Variants in RPAP2 observed in about 807,000 individuals in gnomAD.
RPAP2 encodes RNA polymerase II associated protein 2, also known as putative RNA polymerase II subunit B1 CTD phosphatase RPAP2.
A neutral mutation model predicts 73.1 loss-of-function variants in RPAP2; 52 were observed. The observed-to-expected ratio is 0.71, with a 90% confidence interval of 0.57 to 0.90. The LOEUF (loss-of-function observed/expected upper bound fraction) is 0.90, where lower values mean the gene tolerates loss of function less well. Among genes scored for constraint, RPAP2 ranks in the 40% least tolerant of loss-of-function variants. The pLI is 0.00. For synonymous variants in RPAP2, 225 were observed against 242.1 expected, an observed-to-expected ratio of 0.93 and a Z score of 0.65; for missense variants, 598 against 701.8, an observed-to-expected ratio of 0.85 and a Z score of 1.67.
At position 92,400,503 on chromosome 1, in the gene RPAP2, A is replaced by G. The variant is rs1471927522; in HGVS notation, c.*13492A>G. On this transcript the variant is annotated 3_prime_UTR_variant, in exon 13 of 13. Coordinates refer to ENST00000610020, the MANE Select transcript of RPAP2 (RefSeq NM_024813.3). ...CCCAGCTAATATTTTTTTTAATTTT[A>G]TATTTTTTAGAGACAGGGTGTCACT... is the stretch of plus-strand genomic sequence containing the variant. The G allele has an allele frequency of 6.6e-6, 1 of 152,058 alleles. No individual in the cohort carries two copies. Among genetic ancestry groups the G allele is most frequent in the Admixed American group, 6.6e-5 (1 of 15,252 alleles). The allele number at this position is 152,058 out of a possible 1,614,324, so 9.4% of individuals were successfully genotyped here.
In RPAP2 at chr1:92,316,387, A is replaced by G. The variant is rs187030040; in HGVS notation, c.489-4212A>G. Among the ~76,000 whole-genome samples the G allele has an allele frequency of 3.3e-4, 50 of 152,322 alleles. No homozygotes were observed. In the East Asian group the frequency reaches 6.8e-3, roughly 21 times the overall value. On this transcript the variant is annotated intron_variant, in intron 6 of 12. Coordinates refer to ENST00000610020, the MANE Select transcript of RPAP2 (RefSeq NM_024813.3). The stretch of plus-strand genomic sequence containing the variant: ...TTGACATGTCTCAAAATAGATTTGA[A>G]AAGTTCTCACCATACCTGCTGCTTC...
chr1:92,345,411 A>G (rs1571099489), intron 10 of RPAP2, among the ~76,000 whole-genome samples: 2 of 126,296 alleles, frequency 1.6e-5, no homozygotes, highest in Admixed American at 8.3e-5. Flanking sequence ...AGAGAGAGAG[A>G]GAAGAAAGAA....
At chr1:92,326,088 T>C (rs1267609411) in intron 8 of RPAP2, among the ~76,000 whole-genome samples, 1 of 151,930 alleles carries the variant, frequency 6.6e-6, no homozygotes, top group East Asian at 1.9e-4. Context: ...TATGCAACTA[T>C]ACTAGATAAT....
intron 11 of RPAP2, among the ~76,000 whole-genome samples, chr1:92,380,007 C>T (rs1655555647): frequency 6.6e-6 from 1 of 150,788 alleles, no homozygotes; most frequent in Non-Finnish European, 1.5e-5. Flanking sequence ...CGCCTGTAAT[C>T]CTAACACTTT....
In RPAP2 at chr1:92,388,032, C is replaced by G. The variant is rs1655926975; in HGVS notation, c.*1021C>G. On this transcript the variant is annotated 3_prime_UTR_variant, in exon 13 of 13. Transcript: ENST00000610020. ...TAACCTCATTTGATTGTGTAAGGGT[C>G]TAACCACAACAAAAAATCATAGTGT... 1 of 152,070 alleles carries G rather than the reference C, an allele frequency of 6.6e-6. No individual in the cohort carries two copies. Among genetic ancestry groups the G allele is most frequent in the Non-Finnish European group, 1.5e-5 (1 of 68,038 alleles). 9.4% of individuals were successfully genotyped at this position (152,070 alleles called of 1,614,324 possible).
intron 2 of RPAP2, among the ~76,000 whole-genome samples, chr1:92,300,583 C>G (rs571516846): frequency 5.1e-4 from 77 of 152,298 alleles, no homozygotes; most frequent in African/African-American, 1.8e-3. Context: ...CTTTTCTGTT[C>G]TTTGTTACAT....
intron 11 of RPAP2, among the ~76,000 whole-genome samples, chr1:92,376,442 G>A (rs905542636): frequency 6.6e-6 from 1 of 152,162 alleles, no homozygotes; most frequent in African/African-American, 2.4e-5. Context: ...AACTTTCCAA[G>A]AATATAATTA....
At chr1:92,304,971 C>G (rs757299120) in intron 5 of RPAP2, among the ~76,000 whole-genome samples, 1 of 151,720 alleles carries the variant, frequency 6.6e-6, no homozygotes, top group African/African-American at 2.4e-5. Flanking sequence ...CCTGTCTCTA[C>G]AAAAAGTACA....
intron 11 of RPAP2, among the ~76,000 whole-genome samples, chr1:92,355,107 T>A (rs574867732): frequency 1.8e-3 from 277 of 152,110 alleles, no homozygotes; most frequent in Admixed American, 5.6e-3. Context: ...TTGACCACAT[T>A]GCCTAGGCTG....
intron 6 of RPAP2, among the ~76,000 whole-genome samples, chr1:92,311,142 G>A (rs1019026240): frequency 3.9e-5 from 6 of 152,264 alleles, no homozygotes; most frequent in Middle Eastern, 3.4e-3. Context: ...TTTGAAGAGC[G>A]CTGTTTTGTT....
At chr1:92,339,451 T>C (rs190447686) in intron 10 of RPAP2, among the ~76,000 whole-genome samples, 2 of 152,166 alleles carry the variant, frequency 1.3e-5, no homozygotes, top group Admixed American at 1.3e-4. Context: ...CCTACTGCTG[T>C]AGGGCATGAT....
intron 8 of RPAP2, among the ~76,000 whole-genome samples, chr1:92,328,461 A>G (rs1263864973): frequency 6.6e-6 from 1 of 152,044 alleles, no homozygotes; most frequent in Non-Finnish European, 1.5e-5. Flanking sequence ...GTGCATTTGC[A>G]TTTCTCTAAG....
intron 11 of RPAP2, among the ~76,000 whole-genome samples, chr1:92,373,953 CA>C (rs1351007736): frequency 6.6e-6 from 1 of 151,838 alleles, no homozygotes; most frequent in Non-Finnish European, 1.5e-5. Flanking sequence ...TGTAATAGTA[CA>C]GGGGTTGGCA....
chr1:92,328,943 C>T (rs753850874), intron 8 of RPAP2, among the ~76,000 whole-genome samples: 1 of 152,172 alleles, frequency 6.6e-6, no homozygotes, highest in Non-Finnish European at 1.5e-5. Context: ...AGCAGAGCTA[C>T]CAGGCTTCTG....
At chr1:92,313,039 T>C (rs1358049062) in intron 6 of RPAP2, among the ~76,000 whole-genome samples, 2 of 152,170 alleles carry the variant, frequency 1.3e-5, no homozygotes, top group East Asian at 3.9e-4. Flanking sequence ...CTTATTTTTG[T>C]ATTTTTAGTA....
At chr1:92,351,558 C>T (rs1654218752) in intron 11 of RPAP2, among the ~76,000 whole-genome samples, 1 of 152,072 alleles carries the variant, frequency 6.6e-6, no homozygotes, top group Admixed American at 6.6e-5. Context: ...GCTTCTGTCC[C>T]ATTTACTCCT....
rs1170713398 is a variant in RPAP2 at position 92,371,426 on chromosome 1, AAGAT to A, written c.1689-9293_1689-9290del. 3.3e-5 allele frequency among the ~76,000 whole-genome samples: 5 copies of A among 151,992 alleles called. No individual in the cohort carries two copies. The East Asian group carries it at 9.7e-4, about 29-fold the overall frequency. ...AAATAAGACAGATGGATAGATAGAT[AAGAT>A]AGATCCACAGGAAATGAAATCAGTA... On this transcript the variant is annotated intron_variant, in intron 11 of 12. Transcript: ENST00000610020.
chr1:92,370,874 A>C (rs1483114525), intron 11 of RPAP2, among the ~76,000 whole-genome samples: 1 of 152,240 alleles, frequency 6.6e-6, no homozygotes, highest in African/African-American at 2.4e-5. Flanking sequence ...GAATAGTGAT[A>C]GCCAGAATTA....
chr1:92,374,441 C>G (rs1256305302), intron 11 of RPAP2, among the ~76,000 whole-genome samples: 4 of 152,152 alleles, frequency 2.6e-5, no homozygotes, highest in African/African-American at 9.7e-5. Context: ...ACAAAGTCCT[C>G]TTCCATGGTT....
Sources: gnomAD v4.1 joint callset for allele counts (sites outside exome capture counted in the v4.1 genomes callset) on GRCh38, gnomAD v4.1.1 for gene constraint, MANE v1.5 for transcripts, NCBI Gene and HGNC (gene_info 2026-07-23, HGNC 2026-07-21) for gene names.